CD14: variants seen among roughly 807,000 people sequenced by gnomAD.
The protein encoded by CD14 is CD14 molecule.
In CD14, 4 loss-of-function variants were observed where a neutral mutation model predicts 2.5. The observed-to-expected ratio is 1.63, with a 90% CI of 0.80 to 3.72. The LOEUF (loss-of-function observed/expected upper bound fraction) is 3.72. CD14 is among the 30% of genes most tolerant of loss of function. The pLI is 0.01. For missense variants in CD14, 478 were observed against 497.8 expected, an observed-to-expected ratio of 0.96 and a Z score of 0.38; for synonymous variants, 236 against 235.1, an observed-to-expected ratio of 1.00 and a Z score of -0.04.
Position 140,632,280 on chromosome 5 carries a change from T to G in CD14, c.704A>C (p.Glu235Ala), listed in dbSNP as rs1370001253. 1 of 1,613,920 alleles carries G rather than the reference T, an allele frequency of 6.2e-7. No individual in the cohort carries two copies. ...TGCGGCGCACACGCCTGTGGGCGTC[T>G]CCATTCCTGTGTTGCGCAGCGCTAG... ...QNLALRNTGM[E>A]TPTGVCAALA... Residue 235 changes from glutamate (E) to alanine (A), a missense_variant, in exon 2 of 2, where the codon GAG becomes GCG. Coordinates refer to ENST00000302014, the MANE Select transcript of CD14 (RefSeq NM_000591.4). This position sits in a 1 kb window ranked among gnomAD's most constrained non-coding sequence, Gnocchi z 6.2.
upstream of CD14, chr5:140,633,496 A>G: frequency 2.9e-6 from 1 of 344,752 alleles, no homozygotes; most frequent in Non-Finnish European, 5.6e-6. Context: ...GGCCAGTACC[A>G]TACTCTGCAC....
At position 140,632,213 on chromosome 5, in the gene CD14, G is replaced by GCTGA; in HGVS notation, c.767_770dup (p.His258GlnfsTer12). The GCTGA allele has an allele frequency of 6.2e-7, 1 of 1,613,580 alleles. No individual in the cohort carries two copies. The highest frequency in any genetic ancestry group is 8.5e-7 in the Non-Finnish European group (1 of 1,179,832). On this transcript the variant is annotated frameshift_variant, in exon 2 of 2. Transcript: ENST00000302014. LOFTEE classifies it low-confidence loss of function (END_TRUNC). The surrounding 1 kb of genome is among the most constrained non-coding windows in gnomAD (Gnocchi z 6.2). ...TTACGGTGGCGCGCAGCGAGTTGTGGCTGAGGTCTAGGCTGTGGGGCTGCA... is the reference window on the plus strand; with the variant it reads ...TTACGGTGGCGCGCAGCGAGTTGTGGCTGACTGAGGTCTAGGCTGTGGGGCTGCA...
chr5:140,632,800 C>T lies in CD14; in HGVS notation c.184G>A (p.Gly62Ser), dbSNP rs778777497. Residue 62 changes from glycine (G) to serine (S), a missense_variant, in exon 2 of 2, where the codon GGC becomes AGC. By Grantham distance (56) the Gly-to-Ser change is moderately conservative (BLOSUM62 0). Transcript: ENST00000302014. This position sits in a 1 kb window ranked among gnomAD's most constrained non-coding sequence, Gnocchi z 6.2. ...VSAVEVEIHA[G>S]GLNLEPFLKR... ...AGAAACGGCTCTAGGTTGAGACCGC[C>T]GGCATGGATCTCCACCTCTACTGCA... 4 of 1,613,678 alleles carry T rather than the reference C, an allele frequency of 2.5e-6. No homozygotes were observed. In the East Asian group the frequency reaches 6.7e-5, roughly 27 times the overall value.
Position 140,631,945 on chromosome 5 carries a change from C to G in CD14, c.1039G>C (p.Gly347Arg), listed in dbSNP as rs1303071864. 14 of 1,612,860 alleles carry G rather than the reference C, an allele frequency of 8.7e-6. No individual in the cohort carries two copies. The highest frequency in any genetic ancestry group is 1.2e-5 in the Non-Finnish European group (14 of 1,179,118). ...ALPHEGSMNS[G>R]VVPACARSTL... ...GAACGTGCACAGGCTGGGACCACGC[C>G]GGAGTTCATTGAGCCCTCGTGGGGG... Residue 347 changes from glycine to arginine, a missense_variant, in exon 2 of 2, where the codon GGC (glycine) becomes CGC (arginine). Transcript: ENST00000302014.
Position 140,631,931 on chromosome 5 carries a change from G to T in CD14, c.1053C>A (p.Ala351=). 1 of 1,612,326 alleles carries T rather than the reference G, an allele frequency of 6.2e-7. No homozygotes were observed. Among genetic ancestry groups the T allele is most frequent in the Non-Finnish European group, 8.5e-7 (1 of 1,178,670 alleles). ...EGSMNSGVVP[A]CARSTLSVGV... ...CCACCGACAGGGTCGAACGTGCACAGGCTGGGACCACGCCGGAGTTCATTG... is the reference window on the plus strand; with the variant it reads ...CCACCGACAGGGTCGAACGTGCACATGCTGGGACCACGCCGGAGTTCATTG... Residue 351 remains alanine (A), a synonymous_variant, in exon 2 of 2, where the codon GCC becomes GCA. Coordinates refer to ENST00000302014, the MANE Select transcript of CD14 (RefSeq NM_000591.4).
chr5:140,633,129 T>C lies in CD14; in HGVS notation c.-58A>G. ...GACAGGCTCTGGAAGTGCTTTAGCT[T>C]CTTTCCTACACAGCGGCACCCGCCG... On this transcript the variant is annotated 5_prime_UTR_variant, in exon 1 of 2. Coordinates refer to ENST00000302014, the MANE Select transcript of CD14 (RefSeq NM_000591.4). 6.2e-7 allele frequency: 1 copy of C among 1,610,782 alleles called. No homozygotes were observed. Among genetic ancestry groups the C allele is most frequent in the South Asian group, 1.1e-5 (1 of 90,720 alleles).
At position 140,632,854 on chromosome 5, in the gene CD14, C is replaced by G; in HGVS notation, c.130G>C (p.Asp44His). 6.2e-7 allele frequency: 1 copy of G among 1,614,078 alleles called. No individual in the cohort carries two copies. The highest frequency in any genetic ancestry group is 1.1e-5 in the South Asian group (1 of 91,076). ...ACACACTGGAAGGCTTCGGACCAGT[C>G]GGGCTGAGGTTCGGAGAAGTTGCAG... Reference protein sequence around the residue: ...CVCNFSEPQPDWSEAFQCVSA... With the variant: ...CVCNFSEPQPHWSEAFQCVSA... Residue 44 changes from aspartate to histidine, a missense_variant, in exon 2 of 2, where the codon GAC (aspartate) becomes CAC (histidine). Transcript: ENST00000302014. The surrounding 1 kb of genome is among the most constrained non-coding windows in gnomAD (Gnocchi z 6.2).
chr5:140,632,008 G>A lies in CD14; in HGVS notation c.976C>T (p.Leu326=). 2.5e-6 allele frequency: 4 copies of A among 1,614,198 alleles called. No individual in the cohort carries two copies. The highest frequency in any genetic ancestry group is 3.4e-6 in the Non-Finnish European group (4 of 1,180,014). The change falls in exon 2 of 2, where the codon CTG becomes TTG. Residue 326 remains leucine (L), a synonymous_variant. Transcript: ENST00000302014. The surrounding 1 kb of genome is among the most constrained non-coding windows in gnomAD (Gnocchi z 6.2). ...GGGACCAGGAAGGGATTCCCGTCCA[G>A]TGTCAGGTTATCCACCTCGGGCAGC... is the stretch of plus-strand genomic sequence containing the variant. ...DELPEVDNLT[L]DGNPFLVPGT...
rs765806223 is a variant in CD14, at chr5:140,632,708, C to T, written c.276G>A (p.Arg92=). 8 of 1,613,610 alleles carry T rather than the reference C, an allele frequency of 5.0e-6. No individual in the cohort carries two copies. Among genetic ancestry groups the T allele is most frequent in the Middle Eastern group, 1.6e-4 (1 of 6,084 alleles). ...YADTVKALRV[R]RLTVGAAQVP... ...CCTGTGCGGCTCCCACTGTGAGCCG[C>T]CGCACGCGGAGAGCCTTGACCGTGT... The change falls in exon 2 of 2, where the codon CGG becomes CGA. Residue 92 remains arginine, a synonymous_variant. Coordinates refer to ENST00000302014, the MANE Select transcript of CD14 (RefSeq NM_000591.4). This position sits in a 1 kb window ranked among gnomAD's most constrained non-coding sequence, Gnocchi z 6.2.
In CD14 at chr5:140,632,398, G is replaced by A. The variant is rs761948893; in HGVS notation, c.586C>T (p.Leu196Phe). 1 of 1,614,164 alleles carries A rather than the reference G, an allele frequency of 6.2e-7. No individual in the cohort carries two copies. Among genetic ancestry groups the A allele is most frequent in the East Asian group, 2.2e-5 (1 of 44,892 alleles). ...TTGTCAGACAGGTCTAGGCTGGTAA[G>A]GGCCGGGAAGGCGCGAACCTGTTCG... is the stretch of plus-strand genomic sequence containing the variant. Reference protein sequence around the residue: ...SCEQVRAFPALTSLDLSDNPG... With the variant: ...SCEQVRAFPAFTSLDLSDNPG... Residue 196 changes from leucine to phenylalanine, a missense_variant, in exon 2 of 2, where the codon CTT (leucine) becomes TTT (phenylalanine). Leu to Phe is a conservative substitution (Grantham distance 22). Coordinates refer to ENST00000302014, the MANE Select transcript of CD14 (RefSeq NM_000591.4). This position sits in a 1 kb window ranked among gnomAD's most constrained non-coding sequence, Gnocchi z 6.2.
Position 140,631,919 on chromosome 5 carries a change from C to T in CD14, c.1065G>A (p.Ser355=), listed in dbSNP as rs776679754. The T allele has an allele frequency of 6.2e-7, 1 of 1,603,798 alleles. No homozygotes were observed. Among genetic ancestry groups the T allele is most frequent in the South Asian group, 1.1e-5 (1 of 90,544 alleles). ...TTCCCGACACCCCCACCGACAGGGT[C>T]GAACGTGCACAGGCTGGGACCACGC... ...NSGVVPACAR[S]TLSVGVSGTL... is the part of the protein sequence containing the mutation. The change falls in exon 2 of 2, where the codon TCG becomes TCA. Residue 355 remains serine (S), a synonymous_variant. Transcript: ENST00000302014.
In CD14 at chr5:140,633,067, A is replaced by G. The variant is rs772878642; in HGVS notation, c.3+2T>C. 6.2e-7 allele frequency: 1 copy of G among 1,613,918 alleles called. No homozygotes were observed. Among genetic ancestry groups the G allele is most frequent in the South Asian group, 1.1e-5 (1 of 91,058 alleles). ...CGTTCGACCCCAAGACCCTACACTC[A>G]CCATGGTCGATAAGTCTTCCGAACC... On this transcript the variant is annotated splice_donor_variant, in intron 1 of 1. Transcript: ENST00000302014. LOFTEE classifies it high-confidence loss of function.
At chr5:140,633,412 G>C, upstream of CD14, 1 of 480,038 alleles carries the variant, frequency 2.1e-6, no homozygotes. Flanking sequence ...GCCCCAGGCG[G>C]TGAATGCCCT....
Position 140,632,446 on chromosome 5 carries a change from C to T in CD14, c.538G>A (p.Ala180Thr), listed in dbSNP as rs756699373. Reference protein sequence around the residue: ...PGLKVLSIAQAHSPAFSCEQV... With the variant: ...PGLKVLSIAQTHSPAFSCEQV... ...TCGCAGGAAAAGGCAGGCGAGTGTG[C>T]TTGGGCAATGCTCAGTACCTTGAGG... The change falls in exon 2 of 2, where the codon GCA becomes ACA. Residue 180 changes from alanine to threonine, a missense_variant. Transcript: ENST00000302014. The surrounding 1 kb of genome is among the most constrained non-coding windows in gnomAD (Gnocchi z 6.2). 3.1e-6 allele frequency: 5 copies of T among 1,614,200 alleles called. No individual in the cohort carries two copies. The South Asian group carries it at 5.5e-5, about 18-fold the overall frequency.
Position 140,632,759 on chromosome 5 carries a change from C to A in CD14, c.225G>T (p.Ala75=), listed in dbSNP as rs1339832434. The A allele has an allele frequency of 6.2e-7, 1 of 1,613,266 alleles. No individual in the cohort carries two copies. The highest frequency in any genetic ancestry group is 8.5e-7 in the Non-Finnish European group (1 of 1,179,978). ...CAGCATACTGCCGCGGGTCGGCGTC[C>A]GCATCGACGCGCTTTAGAAACGGCT... ...NLEPFLKRVD[A]DADPRQYADT... The change falls in exon 2 of 2, where the codon GCG becomes GCT. Residue 75 remains alanine, a synonymous_variant. Transcript: ENST00000302014. The surrounding 1 kb of genome is among the most constrained non-coding windows in gnomAD (Gnocchi z 6.2).
rs1352703905 is a variant in CD14, at chr5:140,632,467, T to C, written c.517A>G (p.Lys173Glu). 1 of 1,614,040 alleles carries C rather than the reference T, an allele frequency of 6.2e-7. No homozygotes were observed. Among genetic ancestry groups the C allele is most frequent in the Non-Finnish European group, 8.5e-7 (1 of 1,180,042 alleles). ...ELQQWLKPGL[K>E]VLSIAQAHSP... ...TGTGCTTGGGCAATGCTCAGTACCT[T>C]GAGGCCTGGCTTGAGCCACTGCTGC... is the stretch of plus-strand genomic sequence containing the variant. Residue 173 changes from lysine to glutamate, a missense_variant, in exon 2 of 2, where the codon AAG becomes GAG. Transcript: ENST00000302014. The surrounding 1 kb of genome is among the most constrained non-coding windows in gnomAD (Gnocchi z 6.2).
chr5:140,632,079 A>C lies in CD14; in HGVS notation c.905T>G (p.Leu302Arg), dbSNP rs751442680. 6.2e-7 allele frequency: 1 copy of C among 1,614,176 alleles called. No homozygotes were observed. Among genetic ancestry groups the C allele is most frequent in the South Asian group, 1.1e-5 (1 of 91,084 alleles). The stretch of plus-strand genomic sequence containing the variant: ...GTTCAGTCTGTTGCAGCTGAGATCG[A>C]GCACTCTGAGCTTGGCTGGCAGTCC... ...PKGLPAKLRVLDLSCNRLNRA... is the reference protein window; with the variant it reads ...PKGLPAKLRVRDLSCNRLNRA... Residue 302 changes from leucine (L) to arginine (R), a missense_variant, in exon 2 of 2, where the codon CTC becomes CGC. Leu to Arg is a moderately radical substitution (Grantham distance 102). Transcript: ENST00000302014. This position sits in a 1 kb window ranked among gnomAD's most constrained non-coding sequence, Gnocchi z 6.2.
chr5:140,632,132 C>G lies in CD14; in HGVS notation c.852G>C (p.Ser284=), dbSNP rs150900616. The change falls in exon 2 of 2, where the codon TCG becomes TCC. Residue 284 remains serine, a synonymous_variant. Coordinates refer to ENST00000302014, the MANE Select transcript of CD14 (RefSeq NM_000591.4). This position sits in a 1 kb window ranked among gnomAD's most constrained non-coding sequence, Gnocchi z 6.2. ...WSSALNSLNL[S]FAGLEQVPKG... ...TAGGCACCTGTTCCAGCCCAGCGAA[C>G]GACAGATTGAGGGAGTTCAGGGCGC... 5.0e-6 allele frequency: 8 copies of G among 1,614,040 alleles called. No homozygotes were observed. Among genetic ancestry groups the G allele is most frequent in the Admixed American group, 1.7e-5 (1 of 60,004 alleles).
rs770457864 is a variant in CD14 at position 140,632,375 on chromosome 5, G to C, written c.609C>G (p.Asp203Glu). 2 of 1,614,210 alleles carry C rather than the reference G, an allele frequency of 1.2e-6. No homozygotes were observed. The highest frequency in any genetic ancestry group is 1.7e-6 in the Non-Finnish European group (2 of 1,180,052). ...FPALTSLDLS[D>E]NPGLGERGLM... The stretch of plus-strand genomic sequence containing the variant: ...GTCCGCGTTCGCCCAGTCCAGGATT[G>C]TCAGACAGGTCTAGGCTGGTAAGGG... Residue 203 changes from aspartate (D) to glutamate (E), a missense_variant, in exon 2 of 2, where the codon GAC becomes GAG. By Grantham distance (45) the Asp-to-Glu change is conservative. Coordinates refer to ENST00000302014, the MANE Select transcript of CD14 (RefSeq NM_000591.4). This position sits in a 1 kb window ranked among gnomAD's most constrained non-coding sequence, Gnocchi z 6.2.
Sources: gnomAD v4.1 joint callset for allele counts on GRCh38, gnomAD v4.1.1 for gene constraint, Gnocchi (gnomAD v3.1) non-coding constraint, MANE v1.5 for transcripts, NCBI Gene and HGNC (gene_info 2026-07-23, HGNC 2026-07-21) for gene names.